DNAH5: variants seen among roughly 807,000 people sequenced by gnomAD.
The protein encoded by DNAH5 is axonemal beta dynein heavy chain 5.
DNAH5 carries 372 observed loss-of-function variants against 518.2 expected under a neutral mutation model. That is an observed-to-expected ratio of 0.72 (90% CI 0.66 to 0.78). DNAH5 has a LOEUF of 0.78. Among genes scored for constraint, DNAH5 ranks in the 30% least tolerant of loss-of-function variants. The pLI is 0.00. For synonymous variants in DNAH5, 2,039 were observed against 2,025.9 expected (o/e 1.01, Z -0.17); for missense variants, 5,523 against 5,687.0 (o/e 0.97, Z 0.93).
chr5:13,829,246 A>G (rs893289405), intron 38 of DNAH5, among the ~76,000 whole-genome samples: 6 of 152,338 alleles, frequency 3.9e-5, no homozygotes, highest in Admixed American at 2.6e-4. Context: ...TAAACAGCCA[A>G]TGTTAATATC....
intron 53 of DNAH5, 40 bp from the exon 54 acceptor site, chr5:13,777,395 T>C: frequency 6.3e-7 from 1 of 1,589,882 alleles, no homozygotes; most frequent in African/African-American, 1.3e-5. Context: ...CTAAAATATT[T>C]TCATGAGAGG....
intron 31 of DNAH5, among the ~76,000 whole-genome samples, chr5:13,850,341 A>G (rs1429785455): frequency 6.6e-6 from 1 of 152,200 alleles, no homozygotes; most frequent in Admixed American, 6.5e-5. Context: ...GGTTCTATAA[A>G]TGTTTATTCA....
intron 19 of DNAH5, 133 bp from the exon 20 acceptor site, chr5:13,883,227 C>A: frequency 1.0e-6 from 1 of 1,003,086 alleles, no homozygotes; most frequent in South Asian, 1.4e-5. Context: ...ATGAATGAGT[C>A]AATTAAAACT....
At chr5:13,960,960 C>T (rs1270252477) in intron 1 of DNAH5, among the ~76,000 whole-genome samples, 1 of 152,102 alleles carries the variant, frequency 6.6e-6, no homozygotes, top group Non-Finnish European at 1.5e-5. Context: ...TCCTATCATT[C>T]CCCCTACCTT....
chr5:13,769,500 C>T lies in DNAH5; in HGVS notation c.9720+1G>A. 6.2e-7 allele frequency: 1 copy of T among 1,612,952 alleles called. No individual in the cohort carries two copies. The highest frequency in any genetic ancestry group is 8.5e-7 in the Non-Finnish European group (1 of 1,178,962). On this transcript the variant is annotated splice_donor_variant, in intron 57 of 78. Coordinates refer to ENST00000265104, the MANE Select transcript of DNAH5 (RefSeq NM_001369.3). LOFTEE classifies it high-confidence loss of function. ...TGGCACATGTGTAAATGCCCACCCA[C>T]CATGTCGGCTTTATCGTTGGCCACT...
At position 13,777,311 on chromosome 5, in the gene DNAH5, T is replaced by A. The variant is rs1316256046; in HGVS notation, c.8996A>T (p.Tyr2999Phe). Residue 2999 changes from tyrosine (Y) to phenylalanine (F), a missense_variant, in exon 54 of 79, where the codon TAT becomes TTT. Physicochemically the swap from Tyr to Phe is conservative, Grantham distance 22. Coordinates refer to ENST00000265104, the MANE Select transcript of DNAH5 (RefSeq NM_001369.3). ...TTTGCCTTGCTGACCAGCTGTTCGA[T>A]ACAAAACCTTCAGATCTTCCATCAG... ...SNLMEDLKVLYRTAGQQGKGI... is the reference protein window; with the variant it reads ...SNLMEDLKVLFRTAGQQGKGI... The A allele has an allele frequency of 1.9e-6, 3 of 1,613,512 alleles. No homozygotes were observed. Among genetic ancestry groups the A allele is most frequent in the Non-Finnish European group, 2.5e-6 (3 of 1,179,658 alleles).
intron 52 of DNAH5, among the ~76,000 whole-genome samples, chr5:13,783,176 TA>T (rs1182807173): frequency 1.3e-5 from 2 of 152,094 alleles, no homozygotes; most frequent in African/African-American, 4.8e-5. Flanking sequence ...GAGCTACCTT[TA>T]AAGAAGGAGT....
At chr5:13,829,727 G>C (rs373339673) in intron 37 of DNAH5, 23 bp from the exon 38 acceptor site, 14 of 1,602,862 alleles carry the variant, frequency 8.7e-6, no homozygotes, top group Non-Finnish European at 1.2e-5. Flanking sequence ...TAAAGCCCAA[G>C]GATGAATGAT....
intron 24 of DNAH5, among the ~76,000 whole-genome samples, chr5:13,868,887 G>C (rs1769673558): frequency 6.6e-6 from 1 of 152,158 alleles, no homozygotes; most frequent in South Asian, 2.1e-4. Context: ...GGGTATGAAA[G>C]GGAGGGGAAT....
chr5:13,985,011 A>C (rs1782936983), intron 1 of DNAH5, among the ~76,000 whole-genome samples: 1 of 152,212 alleles, frequency 6.6e-6, no homozygotes, highest in Non-Finnish European at 1.5e-5. Context: ...CACAATAGCA[A>C]AGACTTGGAA....
intron 51 of DNAH5, 124 bp downstream of exon 51, chr5:13,788,592 C>T (rs753893135): frequency 1.6e-5 from 13 of 803,964 alleles, no homozygotes; most frequent in Non-Finnish European, 2.3e-5. Context: ...TACTGTGTCT[C>T]AGGCTTGTAT....
Position 13,762,829 on chromosome 5 carries a change from T to C in DNAH5, c.10174A>G (p.Asn3392Asp). Residue 3392 changes from asparagine (N) to aspartate (D), a missense_variant, in exon 60 of 79, where the codon AAC (asparagine) becomes GAC (aspartate). Transcript: ENST00000265104. The part of the protein sequence containing the change: ...LSPYFEMPDY[N>D]IETAKRVCGN... ...CATACGCGTTTAGCAGTTTCGATGT[T>C]ATAGTCAGGCATTTCAAAGTAAGGA... The C allele has an allele frequency of 6.2e-7, 1 of 1,614,056 alleles. No individual in the cohort carries two copies. Among genetic ancestry groups the C allele is most frequent in the Non-Finnish European group, 8.5e-7 (1 of 1,179,886 alleles).
At chr5:13,791,968 G>A (rs367677869) in intron 50 of DNAH5, 26 bp downstream of exon 50, 224 of 1,556,942 alleles carry the variant, frequency 1.4e-4, no homozygotes, top group Non-Finnish European at 1.9e-4. Flanking sequence ...AATGTTATTT[G>A]TTTTTCTTTC....
chr5:13,942,696 G>A (rs181362790), intron 1 of DNAH5, among the ~76,000 whole-genome samples: 24 of 151,996 alleles, frequency 1.6e-4, no homozygotes, highest in East Asian at 1.2e-3. Context: ...CTGGTAGGTC[G>A]TCAGTTTAGC....
chr5:13,754,015 A>G (rs780486106), intron 62 of DNAH5, among the ~76,000 whole-genome samples, 188 bp downstream of exon 62: 8 of 152,132 alleles, frequency 5.3e-5, no homozygotes, highest in Non-Finnish European at 1.0e-4. Context: ...ACACACACAC[A>G]GGAATTTTTT....
intron 1 of DNAH5, among the ~76,000 whole-genome samples, chr5:13,990,530 G>C (rs1380437656): frequency 6.6e-6 from 1 of 151,778 alleles, no homozygotes; most frequent in Non-Finnish European, 1.5e-5. Flanking sequence ...TCCAGCCTGG[G>C]CGACAGAGCG....
chr5:13,817,041 T>C lies in DNAH5; in HGVS notation c.6988+507A>G, dbSNP rs550893144. Among the ~76,000 whole-genome samples, 529 of 152,354 alleles carry C rather than the reference T, an allele frequency of 3.5e-3. 8 individuals carry two copies. The highest frequency in any genetic ancestry group is 0.031 in the Middle Eastern group (9 of 294). ...ACTGAACCGCTAGCCCTTAATGAGT[T>C]TGTTTAAACAACTGAACACCAATGT... On this transcript the variant is annotated intron_variant, in intron 42 of 78. Coordinates refer to ENST00000265104, the MANE Select transcript of DNAH5 (RefSeq NM_001369.3).
At chr5:13,697,299 C>A (rs1741515419) in intron 78 of DNAH5, among the ~76,000 whole-genome samples, 1 of 152,166 alleles carries the variant, frequency 6.6e-6, no homozygotes, top group Non-Finnish European at 1.5e-5. Flanking sequence ...AGGCAGTATG[C>A]TTGCCTAAGC....
At position 13,916,468 on chromosome 5, in the gene DNAH5, A is replaced by C; in HGVS notation, c.1090-13T>G. 7.0e-7 allele frequency: 1 copy of C among 1,435,604 alleles called. No homozygotes were observed. The highest frequency in any genetic ancestry group is 9.8e-7 in the Non-Finnish European group (1 of 1,021,482). 88.9% of individuals were successfully genotyped at this position (1,435,604 alleles called of 1,614,324 possible). ...CCATCATGGATAGCTGAAAGATATC[A>C]CCAAAGTTTTCAGAAAAAATCATCA... On this transcript the variant is annotated splice_polypyrimidine_tract_variant and intron_variant, in intron 8 of 78. Transcript: ENST00000265104.
Sources: gnomAD v4.1 joint callset for allele counts (sites outside exome capture counted in the v4.1 genomes callset) on GRCh38, gnomAD v4.1.1 for gene constraint, MANE v1.5 for transcripts, NCBI Gene and HGNC (gene_info 2026-07-23, HGNC 2026-07-21) for gene names.